The following RIOX2 variants were observed in gnomAD, a reference collection of about 807,000 sequenced individuals.
RIOX2 encodes 60S ribosomal protein L27a histidine hydroxylase.
Under a neutral mutation model 51.2 loss-of-function variants are expected in RIOX2, and 43 were observed. The observed-to-expected ratio is 0.84, with a 90% CI of 0.66 to 1.08. The LOEUF is 1.08. Among genes scored for constraint, RIOX2 ranks in the 50% least tolerant of loss-of-function variants. The pLI, the probability that RIOX2 is intolerant of heterozygous loss-of-function variation, is 0.00. For synonymous variants in RIOX2, 226 were observed against 218.5 expected, an observed-to-expected ratio of 1.03 and a Z score of -0.30; for missense variants, 566 against 561.7, an observed-to-expected ratio of 1.01 and a Z score of -0.08.
chr3:97,967,354 C>T lies in RIOX2; in HGVS notation c.240G>A (p.Leu80=). ...GACTCTTCAGATCTGTTAGCTTGAA[C>T]AGGGACCCATAGTATGTGGCCAGTG... The part of the protein sequence containing the change: ...DPALATYYGS[L]FKLTDLKSLC... Residue 80 remains leucine (L), a synonymous_variant, in exon 2 of 10, where the codon CTG becomes CTA. Transcript: ENST00000394198. 2 of 1,614,194 alleles carry T rather than the reference C, an allele frequency of 1.2e-6. No homozygotes were observed. The highest frequency in any genetic ancestry group is 8.5e-7 in the Non-Finnish European group (1 of 1,180,042).
chr3:97,951,110 A>T, intron 5 of RIOX2: 1 of 465,210 alleles, frequency 2.1e-6, no homozygotes. Flanking sequence ...ACTCACTTGC[A>T]AAGTTAAAAG....
Position 97,960,388 on chromosome 3 carries a change from T to C in RIOX2, c.552+1201A>G, listed in dbSNP as rs138055355. Among the ~76,000 whole-genome samples the C allele has an allele frequency of 2.1e-3, 321 of 152,336 alleles. 1 individual carries two copies. The highest frequency in any genetic ancestry group is 7.2e-3 in the African/African-American group (300 of 41,576). On this transcript the variant is annotated intron_variant, in intron 3 of 9. Coordinates refer to ENST00000394198, the MANE Select transcript of RIOX2 (RefSeq NM_153182.4). Reference sequence around the variant, plus strand: ...ATAATTTTAATAACTTTTCTCCAGGTTCCTTTACTGAAGAATAAAGTATAT... The same window carrying C: ...ATAATTTTAATAACTTTTCTCCAGGCTCCTTTACTGAAGAATAAAGTATAT...
chr3:97,959,288 GAACCT>G, intron 3 of RIOX2, 109 bp from the exon 4 acceptor site: 1 of 564,528 alleles, frequency 1.8e-6, no homozygotes, highest in Non-Finnish European at 2.7e-6. Context: ...ATATATAGGT[GAACCT>G]TGAACAACAC....
intron 5 of RIOX2, chr3:97,952,225 A>C (rs1396690249): frequency 7.8e-7 from 1 of 1,289,806 alleles, no homozygotes; most frequent in South Asian, 1.2e-5. Flanking sequence ...CCCTCAAGTC[A>C]CATCTTCTCA....
intron 2 of RIOX2, among the ~76,000 whole-genome samples, chr3:97,962,029 T>C (rs1425451070): frequency 6.6e-6 from 1 of 152,108 alleles, no homozygotes; most frequent in Admixed American, 6.5e-5. Flanking sequence ...GGTTATTGTG[T>C]GAAGAATGCA....
chr3:97,963,944 T>G (rs1175210237), intron 2 of RIOX2, among the ~76,000 whole-genome samples: 1 of 152,198 alleles, frequency 6.6e-6, no homozygotes, highest in Non-Finnish European at 1.5e-5. Context: ...ACTCAAACAC[T>G]GTGGCGAACA....
rs747989102 is a variant in RIOX2 at position 97,950,027 on chromosome 3, G to T, written c.889-12C>A. The T allele has an allele frequency of 1.2e-6, 2 of 1,612,866 alleles. No individual in the cohort carries two copies. The highest frequency in any genetic ancestry group is 2.7e-5 in the African/African-American group (2 of 74,990). On this transcript the variant is annotated splice_polypyrimidine_tract_variant and intron_variant, in intron 6 of 9. Coordinates refer to ENST00000394198, the MANE Select transcript of RIOX2 (RefSeq NM_153182.4). ...GTGGATTCCACCTGCTAGGAACACA[G>T]AAGTGAGTCCTGGCCCAGATGCCAG...
rs1302211248 is a variant in RIOX2, at chr3:97,957,253, C to T, written c.681+1798G>A. On this transcript the variant is annotated intron_variant, in intron 4 of 9. Coordinates refer to ENST00000394198, the MANE Select transcript of RIOX2 (RefSeq NM_153182.4). ...GTGGCTCACGCCTGTAATCCCAGCACTTTGGGAGGCCGAGGCAGGTGGATC... is the reference window on the plus strand; with the variant it reads ...GTGGCTCACGCCTGTAATCCCAGCATTTTGGGAGGCCGAGGCAGGTGGATC... Among the ~76,000 whole-genome samples, 10 of 152,234 alleles carry T rather than the reference C, an allele frequency of 6.6e-5. No individual in the cohort carries two copies. In the East Asian group the frequency reaches 1.6e-3, roughly 24 times the overall value.
chr3:97,951,074 C>G, intron 5 of RIOX2, 186 bp from the exon 6 acceptor site: 1 of 545,138 alleles, frequency 1.8e-6, no homozygotes, highest in East Asian at 3.0e-5. Flanking sequence ...ATCAACCACC[C>G]TGTTTCCTCC....
chr3:97,956,086 G>C (rs1309515833), intron 4 of RIOX2, among the ~76,000 whole-genome samples: 1 of 152,182 alleles, frequency 6.6e-6, no homozygotes, highest in Non-Finnish European at 1.5e-5. Flanking sequence ...AAGTAGGGTT[G>C]TTTAGACCAG....
chr3:97,945,903 A>T lies in RIOX2; in HGVS notation c.1150-16T>A, dbSNP rs1489904149. The T allele has an allele frequency of 6.4e-7, 1 of 1,564,888 alleles. No homozygotes were observed. Among genetic ancestry groups the T allele is most frequent in the Admixed American group, 1.7e-5 (1 of 59,702 alleles). Reference sequence around the variant, plus strand: ...GAGCTTCATCCTTTGGGGAAAAAATAAATGCATTAGGCCATCAACAACACA... The same window carrying T: ...GAGCTTCATCCTTTGGGGAAAAAATTAATGCATTAGGCCATCAACAACACA... On this transcript the variant is annotated splice_polypyrimidine_tract_variant and intron_variant, in intron 8 of 9. Transcript: ENST00000394198.
intron 2 of RIOX2, among the ~76,000 whole-genome samples, chr3:97,962,356 A>AACCCC (rs1705712650): frequency 1.4e-5 from 1 of 70,226 alleles, no homozygotes; most frequent in Non-Finnish European, 2.7e-5. Flanking sequence ...GAATGCTAAG[A>AACCCC]CCCCCCCCCC....
At chr3:97,945,425 A>G (rs1424953991) in intron 9 of RIOX2, 83 bp from the exon 10 acceptor site, 1 of 1,243,356 alleles carries the variant, frequency 8.0e-7, no homozygotes, top group Admixed American at 2.6e-5. Flanking sequence ...TTTATTCTCC[A>G]TACATCATTA....
intron 3 of RIOX2, among the ~76,000 whole-genome samples, chr3:97,959,633 G>A (rs967185850): frequency 6.6e-6 from 1 of 152,124 alleles, no homozygotes; most frequent in Non-Finnish European, 1.5e-5. Flanking sequence ...GGGATGAACC[G>A]TGCAGGTCCG....
intron 9 of RIOX2, 80 bp from the exon 10 acceptor site, chr3:97,945,422 T>C: frequency 7.9e-7 from 1 of 1,264,186 alleles, no homozygotes; most frequent in Non-Finnish European, 1.1e-6. Flanking sequence ...AAATTTATTC[T>C]CCATACATCA....
At position 97,942,918 on chromosome 3, in the gene RIOX2, A is replaced by T. The variant is rs2040264002; in HGVS notation, c.*2266T>A. ...CACAGTTTTGTTGGTGTAGAAACAA[A>T]AACACAGTACCTGACATTCAGCCAG... is the stretch of plus-strand genomic sequence containing the variant. On this transcript the variant is annotated 3_prime_UTR_variant, in exon 10 of 10. Transcript: ENST00000394198. The T allele has an allele frequency of 3.4e-6, 1 of 291,728 alleles. No individual in the cohort carries two copies. The highest frequency in any genetic ancestry group is 6.2e-6 in the Non-Finnish European group (1 of 160,846). 18.1% of individuals were successfully genotyped at this position (291,728 alleles called of 1,614,324 possible).
chr3:97,950,684 TG>T, intron 6 of RIOX2, 101 bp downstream of exon 6: 1 of 873,258 alleles, frequency 1.1e-6, no homozygotes, highest in Non-Finnish European at 1.9e-6. Flanking sequence ...TAGACAAGCC[TG>T]GCTCATGTTG....
Position 97,967,360 on chromosome 3 carries a change from C to A in RIOX2, c.234G>T (p.Gly78=). 1 of 1,614,160 alleles carries A rather than the reference C, an allele frequency of 6.2e-7. No individual in the cohort carries two copies. Among genetic ancestry groups the A allele is most frequent in the Non-Finnish European group, 8.5e-7 (1 of 1,180,030 alleles). ...TCAGATCTGTTAGCTTGAACAGGGACCCATAGTATGTGGCCAGTGCAGGGT... is the reference window on the plus strand; with the variant it reads ...TCAGATCTGTTAGCTTGAACAGGGAACCATAGTATGTGGCCAGTGCAGGGT... ...RDDPALATYY[G]SLFKLTDLKS... The change falls in exon 2 of 10, where the codon GGG becomes GGT. Residue 78 remains glycine (G), a synonymous_variant. Transcript: ENST00000394198.
In RIOX2 at chr3:97,970,334, T is replaced by C. The variant is rs537144957; in HGVS notation, c.-40+2047A>G. ...TTGTTTCTCTGTGTTCATGTTGAAA[T>C]GATTTGAGGCTCAGTTAATTGGAGC... On this transcript the variant is annotated intron_variant, in intron 1 of 9. Coordinates refer to ENST00000394198, the MANE Select transcript of RIOX2 (RefSeq NM_153182.4). Among the ~76,000 whole-genome samples, 69 of 152,334 alleles carry C rather than the reference T, an allele frequency of 4.5e-4. 1 individual carries two copies. Among genetic ancestry groups the C allele is most frequent in the African/African-American group, 1.6e-3 (68 of 41,582 alleles).
Sources: allele counts gnomAD v4.1 joint callset (sites outside exome capture counted in the v4.1 genomes callset), GRCh38; gene constraint gnomAD v4.1.1; transcripts MANE v1.5; gene names NCBI Gene and HGNC (gene_info 2026-07-23, HGNC 2026-07-21).